The following ANAPC1 variants were observed in gnomAD, a reference collection of about 807,000 sequenced individuals.
The protein encoded by ANAPC1 is anaphase-promoting complex subunit 1.
In ANAPC1, 36 loss-of-function variants were observed where a neutral mutation model predicts 208.0. The ratio of observed to expected loss-of-function variants is 0.17; its 90% CI spans 0.13 to 0.23. ANAPC1 has a LOEUF of 0.23. Ranked by LOEUF, ANAPC1 falls within the 10% of genes least tolerant of loss-of-function variation. ANAPC1 has a pLI of 1.00. For missense variants in ANAPC1, 942 were observed against 2,011.6 expected (o/e 0.47, Z 10.17); for synonymous variants, 378 against 695.2 (o/e 0.54, Z 7.18).
At chr2:111,827,032 A>C (rs1483692322) in intron 21 of ANAPC1, among the ~76,000 whole-genome samples, 2 of 105,776 alleles carry the variant, frequency 1.9e-5, no homozygotes, top group Non-Finnish European at 3.9e-5. Flanking sequence ...GTGTATGTTT[A>C]ACTTCACAAG....
At chr2:111,796,358 T>TCTC (rs1362103341) in intron 34 of ANAPC1, among the ~76,000 whole-genome samples, 2 of 148,318 alleles carry the variant, frequency 1.3e-5, no homozygotes, top group Non-Finnish European at 3.0e-5. Flanking sequence ...TGAGACAGGG[T>TCTC]CTCCCTCTGT....
intron 13 of ANAPC1, among the ~76,000 whole-genome samples, chr2:111,855,039 G>A (rs1681624190): frequency 6.6e-6 from 1 of 152,182 alleles, no homozygotes. Flanking sequence ...TGTAAAGTGA[G>A]AAACCTGTGA....
chr2:111,774,861 T>G (rs1328296904), intron 46 of ANAPC1, among the ~76,000 whole-genome samples: 1 of 131,662 alleles, frequency 7.6e-6, no homozygotes, highest in Non-Finnish European at 1.6e-5. Flanking sequence ...TGTATATTCT[T>G]TAAATTTCCA....
chr2:111,852,806 T>C (rs1681478310), intron 13 of ANAPC1, among the ~76,000 whole-genome samples: 1 of 151,398 alleles, frequency 6.6e-6, no homozygotes, highest in Non-Finnish European at 1.5e-5. Context: ...GAGGCTAAGA[T>C]ACTTGTCTGA....
intron 17 of ANAPC1, among the ~76,000 whole-genome samples, chr2:111,838,819 T>C (rs939258248): frequency 5.9e-5 from 9 of 152,184 alleles, no homozygotes; most frequent in Non-Finnish European, 1.2e-4. Flanking sequence ...ACATCTTTGG[T>C]AGAAAAAGAA....
At chr2:111,850,054 T>C (rs189361623) in intron 14 of ANAPC1, among the ~76,000 whole-genome samples, 400 of 152,310 alleles carry the variant, frequency 2.6e-3, no homozygotes, top group African/African-American at 9.0e-3. Context: ...ATAAAGCTAT[T>C]CTAAGGAAAT....
intron 47 of ANAPC1, among the ~76,000 whole-genome samples, chr2:111,770,199 TTTTATATA>T (rs1316338194): frequency 1.2e-4 from 2 of 16,564 alleles, no homozygotes; most frequent in Non-Finnish European, 2.8e-4. Flanking sequence ...TATTGTTTAA[TTTTATATA>T]TATATATATA....
chr2:111,855,133 G>C (rs182637492), intron 13 of ANAPC1, among the ~76,000 whole-genome samples: 325 of 152,284 alleles, frequency 2.1e-3, no homozygotes, highest in Non-Finnish European at 3.0e-3. Flanking sequence ...TCAGGATATA[G>C]TGAGGCAGGA....
chr2:111,771,910 T>C (rs1676761082), intron 47 of ANAPC1, among the ~76,000 whole-genome samples: 1 of 151,656 alleles, frequency 6.6e-6, no homozygotes, highest in Admixed American at 6.6e-5. Context: ...ATAATACTAT[T>C]AATTTTTAAA....
At chr2:111,854,325 T>C (rs1183392713) in intron 13 of ANAPC1, among the ~76,000 whole-genome samples, 1 of 152,194 alleles carries the variant, frequency 6.6e-6, no homozygotes, top group Admixed American at 6.5e-5. Flanking sequence ...TGTGCTGGCA[T>C]CCAGTCTTTG....
intron 10 of ANAPC1, among the ~76,000 whole-genome samples, chr2:111,862,106 G>A (rs1305092857): frequency 2.0e-5 from 3 of 149,980 alleles, no homozygotes; most frequent in Non-Finnish European, 3.0e-5. Flanking sequence ...GTTTCACAAT[G>A]TTGGCCAGGC....
intron 10 of ANAPC1, among the ~76,000 whole-genome samples, chr2:111,859,498 T>C (rs1681936232): frequency 6.6e-6 from 1 of 151,778 alleles, no homozygotes; most frequent in African/African-American, 2.4e-5. Context: ...AATAAATAAA[T>C]AGTGCTACAG....
At chr2:111,779,701 G>A (rs1179981610) in intron 44 of ANAPC1, 1 of 153,138 alleles carries the variant, frequency 6.5e-6, no homozygotes, top group Non-Finnish European at 1.5e-5. Flanking sequence ...AAGTAGCCAG[G>A]CATGGTGGCT....
intron 3 of ANAPC1, among the ~76,000 whole-genome samples, chr2:111,875,893 ATCT>A (rs745583446): frequency 6.6e-6 from 1 of 152,144 alleles, no homozygotes; most frequent in Admixed American, 6.6e-5. Context: ...CACAAATAGC[ATCT>A]TCTTTGAAAA....
At chr2:111,845,989 A>AAT in intron 16 of ANAPC1, among the ~76,000 whole-genome samples, 1 of 151,998 alleles carries the variant, frequency 6.6e-6, no homozygotes, top group South Asian at 2.1e-4. Context: ...AAAAAAAAAA[A>AAT]AAAAAAATAC....
intron 24 of ANAPC1, among the ~76,000 whole-genome samples, chr2:111,822,963 T>C (rs1488471390): frequency 6.6e-6 from 1 of 150,878 alleles, no homozygotes; most frequent in African/African-American, 2.4e-5. Flanking sequence ...ATACTAAATG[T>C]TGGCAACTAT....
At chr2:111,851,734 C>T (rs144939129) in intron 13 of ANAPC1, among the ~76,000 whole-genome samples, 23,654 of 151,208 alleles carry the variant, frequency 0.16, 1,918 homozygotes, top group Admixed American at 0.19. Context: ...GGTGTGAACC[C>T]GGCAGGCAGA....
intron 16 of ANAPC1, among the ~76,000 whole-genome samples, chr2:111,844,262 G>A (rs1052019573): frequency 7.9e-5 from 12 of 152,016 alleles, no homozygotes; most frequent in Admixed American, 1.3e-4. Context: ...GTTCTAGCTC[G>A]GGTGACAAAT....
Position 111,823,017 on chromosome 2 carries a change from T to C in ANAPC1, c.2813-417A>G, listed in dbSNP as rs1679621993. On this transcript the variant is annotated intron_variant, in intron 24 of 47. Coordinates refer to ENST00000341068, the MANE Select transcript of ANAPC1 (RefSeq NM_022662.4). Reference sequence around the variant, plus strand: ...TTTTTATTCTTTTTTTTTTTTTTTTTTTTTTTTTTTGAGATGGAGTCTCGC... The same window carrying C: ...TTTTTATTCTTTTTTTTTTTTTTTTCTTTTTTTTTTGAGATGGAGTCTCGC... Among the ~76,000 whole-genome samples, 4 of 117,804 alleles carry C rather than the reference T, an allele frequency of 3.4e-5. No individual in the cohort carries two copies. The Admixed American group carries it at 3.4e-4, about 10-fold the overall frequency. 77.3% of individuals were successfully genotyped at this position (117,804 alleles called of 152,430 possible).
Sources: allele counts gnomAD v4.1 joint callset (sites outside exome capture counted in the v4.1 genomes callset), GRCh38; gene constraint gnomAD v4.1.1; transcripts MANE v1.5; gene names NCBI Gene and HGNC (gene_info 2026-07-23, HGNC 2026-07-21).